TBC1D4: variants seen among roughly 807,000 people sequenced by gnomAD.
TBC1D4 encodes the protein TBC1 domain family member 4.
A neutral mutation model predicts 142.5 loss-of-function variants in TBC1D4; 121 were observed. That is an observed-to-expected ratio of 0.85 (90% CI 0.73 to 0.99). The LOEUF (loss-of-function observed/expected upper bound fraction) is 0.99, where lower values mean the gene tolerates loss of function less well. Ranked by LOEUF, TBC1D4 falls within the 50% of genes least tolerant of loss-of-function variation. The pLI, the probability that TBC1D4 is intolerant of heterozygous loss-of-function variation, is 0.00. For synonymous variants in TBC1D4, 630 were observed against 628.2 expected, an observed-to-expected ratio of 1.00 and a Z score of -0.04; for missense variants, 1,475 against 1,606.6, an observed-to-expected ratio of 0.92 and a Z score of 1.40.
intron 1 of TBC1D4, among the ~76,000 whole-genome samples, chr13:75,414,120 G>A (rs979477372): frequency 6.6e-6 from 1 of 152,190 alleles, no homozygotes; most frequent in African/African-American, 2.4e-5. Context: ...CATTCCCATG[G>A]TTGAGTTCAT....
chr13:75,410,118 C>G (rs114675617), intron 1 of TBC1D4, among the ~76,000 whole-genome samples: 1 of 152,270 alleles, frequency 6.6e-6, no homozygotes, highest in East Asian at 1.9e-4. Context: ...AGCTAATGTA[C>G]GTAAATAACG....
intron 1 of TBC1D4, among the ~76,000 whole-genome samples, chr13:75,406,884 T>TA (rs1885371588): frequency 6.6e-6 from 1 of 152,116 alleles, no homozygotes; most frequent in Non-Finnish European, 1.5e-5. Flanking sequence ...ACCTAAGGAT[T>TA]AATTAAGGGT....
chr13:75,299,570 C>T lies in TBC1D4; in HGVS notation c.2916G>A (p.Arg972=), dbSNP rs772304426. Residue 972 remains arginine (R), a synonymous_variant, in exon 17 of 21, where the codon AGG becomes AGA. Transcript: ENST00000377636. ...AAAAGTAAGGGTGAGTAGGAAACGT[C>T]CTTCCTGCAGAGGAAAAGAAGGAAA... ...QQHAILVDLG[R]TFPTHPYFSV... is the part of the protein sequence containing the mutation. The T allele has an allele frequency of 6.2e-7, 1 of 1,614,104 alleles. No individual in the cohort carries two copies. Among genetic ancestry groups the T allele is most frequent in the Admixed American group, 1.7e-5 (1 of 60,016 alleles).
At chr13:75,356,337 G>T in intron 3 of TBC1D4, 86 bp from the exon 4 acceptor site, 2 of 952,342 alleles carry the variant, frequency 2.1e-6, no homozygotes, top group Non-Finnish European at 3.3e-6. Context: ...TCAGTTCTTT[G>T]CTTTCACAGT....
intron 8 of TBC1D4, among the ~76,000 whole-genome samples, chr13:75,331,460 A>G (rs952296807): frequency 3.3e-5 from 5 of 152,192 alleles, no homozygotes; most frequent in African/African-American, 1.2e-4. Context: ...TGATCACACC[A>G]CTGCAGTCCA....
chr13:75,377,702 T>TTA (rs10572139), intron 1 of TBC1D4, among the ~76,000 whole-genome samples: 214 of 147,058 alleles, frequency 1.5e-3, no homozygotes, highest in African/African-American at 4.0e-3. Context: ...TAAATATATA[T>TTA]TATATATATA....
At chr13:75,441,736 A>C (rs1311261643) in intron 1 of TBC1D4, among the ~76,000 whole-genome samples, 1 of 152,244 alleles carries the variant, frequency 6.6e-6, no homozygotes, top group African/African-American at 2.4e-5. Context: ...ACTCAGAAAC[A>C]GAATGACAAC....
At chr13:75,343,796 G>A (rs1880919281) in intron 5 of TBC1D4, among the ~76,000 whole-genome samples, 1 of 151,618 alleles carries the variant, frequency 6.6e-6, no homozygotes, top group Non-Finnish European at 1.5e-5. Flanking sequence ...GATTACATGA[G>A]CCACCGTGCC....
chr13:75,481,185 T>G, intron 1 of TBC1D4, 85 bp downstream of exon 1: 29 of 1,417,194 alleles, frequency 2.0e-5, no homozygotes, highest in East Asian at 1.0e-4. Flanking sequence ...AGTCGGTCCT[T>G]AAAGTGGGGT....
At chr13:75,394,766 G>C (rs889704241) in intron 1 of TBC1D4, among the ~76,000 whole-genome samples, 1 of 152,246 alleles carries the variant, frequency 6.6e-6, no homozygotes, top group Non-Finnish European at 1.5e-5. Context: ...CCTTGGCAAT[G>C]ATTCTGAGCA....
chr13:75,350,268 C>T (rs754345615), intron 4 of TBC1D4, among the ~76,000 whole-genome samples: 2 of 152,140 alleles, frequency 1.3e-5, no homozygotes, highest in Non-Finnish European at 2.9e-5. Flanking sequence ...TTTTTATATT[C>T]TTTTCCCCTT....
Position 75,384,706 on chromosome 13 carries a change from T to C in TBC1D4, c.499-22099A>G, listed in dbSNP as rs111366881. Among the ~76,000 whole-genome samples the C allele has an allele frequency of 4.9e-3, 739 of 152,200 alleles. 11 individuals are homozygous for C. Among genetic ancestry groups the C allele is most frequent in the African/African-American group, 0.017 (702 of 41,532 alleles). ...AAATGGTTTTCTTATGATTAATCTA[T>C]GAATTTGTGGGCTGATTCAGAAAAA... On this transcript the variant is annotated intron_variant, in intron 1 of 20. Coordinates refer to ENST00000377636, the MANE Select transcript of TBC1D4 (RefSeq NM_014832.5).
intron 1 of TBC1D4, among the ~76,000 whole-genome samples, chr13:75,469,103 C>T (rs752361009): frequency 5.3e-5 from 8 of 152,074 alleles, no homozygotes; most frequent in Non-Finnish European, 1.2e-4. Flanking sequence ...ACTAAGCTCG[C>T]AAAGAATGGC....
Position 75,285,791 on chromosome 13 carries a change from T to C in TBC1D4, c.*1001A>G, listed in dbSNP as rs186731267. 1.3e-5 allele frequency: 2 copies of C among 151,810 alleles called. No homozygotes were observed. Among genetic ancestry groups the C allele is most frequent in the African/African-American group, 4.9e-5 (2 of 40,716 alleles). 9.4% of individuals were successfully genotyped at this position (151,810 alleles called of 1,614,324 possible). On this transcript the variant is annotated 3_prime_UTR_variant, in exon 21 of 21. Transcript: ENST00000377636. Reference sequence around the variant, plus strand: ...GCTTGTCATCTTTGGAAAAAATCAATCATAATTACGTTTCCTTATACTGAA... The same window carrying C: ...GCTTGTCATCTTTGGAAAAAATCAACCATAATTACGTTTCCTTATACTGAA...
In TBC1D4 at chr13:75,481,290, G is replaced by A; in HGVS notation, c.478C>T (p.Arg160Cys). ...CTTGCCTGGCTGGGGTCTGTGGCGC[G>A]GAAAACGTGGCAGGCCATCTGCGAC... ...PESQMACHVF[R>C]ATDPSQVPDV... Residue 160 changes from arginine to cysteine, a missense_variant, in exon 1 of 21, where the codon CGC (arginine) becomes TGC (cysteine). Transcript: ENST00000377636. 1 of 1,613,418 alleles carries A rather than the reference G, an allele frequency of 6.2e-7. No individual in the cohort carries two copies. Among genetic ancestry groups the A allele is most frequent in the South Asian group, 1.1e-5 (1 of 91,070 alleles).
At chr13:75,321,010 A>C (rs1443088608) in intron 11 of TBC1D4, among the ~76,000 whole-genome samples, 1 of 151,570 alleles carries the variant, frequency 6.6e-6, no homozygotes, top group Non-Finnish European at 1.5e-5. Flanking sequence ...ACTGCACTCC[A>C]GCCCGGGCGA....
chr13:75,318,780 G>A (rs771924176), intron 12 of TBC1D4, among the ~76,000 whole-genome samples: 3 of 152,152 alleles, frequency 2.0e-5, no homozygotes, highest in Non-Finnish European at 2.9e-5. Flanking sequence ...ACAACGTGTA[G>A]ATGAAAGAAG....
chr13:75,328,770 C>T (rs1368087547), intron 8 of TBC1D4, among the ~76,000 whole-genome samples: 3 of 152,064 alleles, frequency 2.0e-5, no homozygotes, highest in African/African-American at 4.8e-5. Context: ...TTCCAGGCTT[C>T]GACTCTGTCT....
rs752950014 is a variant in TBC1D4, at chr13:75,362,308, G to T, written c.798C>A (p.Cys266Ter). Residue 266 changes from cysteine to a stop codon, truncating the protein, a stop_gained, in exon 2 of 21, where the codon TGC (cysteine) becomes TGA (stop). Coordinates refer to ENST00000377636, the MANE Select transcript of TBC1D4 (RefSeq NM_014832.5). LOFTEE classifies it high-confidence loss of function. The surrounding 1 kb of genome is among the most constrained non-coding windows in gnomAD (Gnocchi z 4.2). ...EVVVPGSPGD[C>*]LPEEADGTDT... The stretch of plus-strand genomic sequence containing the variant: ...CGGTGCCGTCAGCCTCCTCCGGCAG[G>T]CAGTCTCCGGGGGACCCGGGCACCA... 1.9e-6 allele frequency: 3 copies of T among 1,613,764 alleles called. No homozygotes were observed. The Admixed American group carries it at 5.0e-5, about 27-fold the overall frequency.
Sources: allele counts gnomAD v4.1 joint callset (sites outside exome capture counted in the v4.1 genomes callset), GRCh38; gene constraint gnomAD v4.1.1; non-coding constraint Gnocchi (gnomAD v3.1); transcripts MANE v1.5; gene names NCBI Gene and HGNC (gene_info 2026-07-23, HGNC 2026-07-21).